The following CELF4 variants were observed in gnomAD, a reference collection of about 807,000 sequenced individuals.
CELF4 encodes the protein CUGBP Elav-like family member 4.
A neutral mutation model predicts 59.9 loss-of-function variants in CELF4; 18 were observed. That is an observed-to-expected ratio of 0.30 (90% CI 0.21 to 0.45). CELF4 has a LOEUF of 0.45. CELF4 is among the 20% of genes least tolerant of loss of function. The probability of loss-of-function intolerance (pLI) is 1.00; values close to 1 mark genes in which losing one functional copy is unlikely to be tolerated. For missense variants in CELF4, 456 were observed against 689.0 expected, an observed-to-expected ratio of 0.66 and a Z score of 3.79; for synonymous variants, 261 against 267.1, an observed-to-expected ratio of 0.98 and a Z score of 0.22.
chr18:37,498,278 TTCCTC>T (rs2099927456), intron 1 of CELF4, among the ~76,000 whole-genome samples: 1 of 151,830 alleles, frequency 6.6e-6, no homozygotes. Context: ...CTTTCTGTTC[TTCCTC>T]TCCTCTCTTC....
intron 3 of CELF4, among the ~76,000 whole-genome samples, chr18:37,296,352 T>G (rs1603293564): frequency 6.6e-6 from 1 of 152,282 alleles, no homozygotes; most frequent in Non-Finnish European, 1.5e-5. Flanking sequence ...CATGCCACCA[T>G]GCCTGCCTAA....
Position 37,494,126 on chromosome 18 carries a change from CA to C in CELF4, c.287-8520del, listed in dbSNP as rs1397187207. 3.3e-5 allele frequency among the ~76,000 whole-genome samples: 5 copies of C among 152,322 alleles called. No homozygotes were observed. The East Asian group carries it at 7.7e-4, about 24-fold the overall frequency. ...GCTCTGGACAAGGAGGTGCAGACCT[CA>C]GAGGGTTAAAGAACCAGCCAGTGGG... On this transcript the variant is annotated intron_variant, in intron 1 of 12. Transcript: ENST00000420428.
chr18:37,494,053 C>T (rs903638671), intron 1 of CELF4, among the ~76,000 whole-genome samples: 1 of 152,178 alleles, frequency 6.6e-6, no homozygotes, highest in South Asian at 2.1e-4. Context: ...TTCTCTTTCT[C>T]TTCTTGCTGA....
intron 2 of CELF4, among the ~76,000 whole-genome samples, chr18:37,447,014 A>G (rs1199427933): frequency 6.6e-6 from 1 of 152,174 alleles, no homozygotes; most frequent in Non-Finnish European, 1.5e-5. Context: ...TCCTTCCTTG[A>G]CTATCCAGCA....
intron 2 of CELF4, among the ~76,000 whole-genome samples, chr18:37,429,438 T>A (rs1312203585): frequency 1.3e-5 from 2 of 152,194 alleles, no homozygotes. Flanking sequence ...TCTCATTGTG[T>A]GTGCATGTCT....
chr18:37,443,213 C>A (rs190681940), intron 2 of CELF4, among the ~76,000 whole-genome samples: 2 of 152,114 alleles, frequency 1.3e-5, no homozygotes, highest in Non-Finnish European at 2.9e-5. Flanking sequence ...TCTGTCCCTC[C>A]GCCTCCTGAG....
At chr18:37,356,518 C>T (rs1234649407) in intron 2 of CELF4, among the ~76,000 whole-genome samples, 1 of 148,228 alleles carries the variant, frequency 6.7e-6, no homozygotes, top group East Asian at 1.9e-4. Flanking sequence ...GCTGGGAAGG[C>T]CAGAGGTGCT....
At chr18:37,333,298 C>T (rs2097621160) in intron 2 of CELF4, among the ~76,000 whole-genome samples, 1 of 152,008 alleles carries the variant, frequency 6.6e-6, no homozygotes, top group Non-Finnish European at 1.5e-5. Flanking sequence ...GCCCAGGAAA[C>T]AAGCGACAGC....
intron 3 of CELF4, among the ~76,000 whole-genome samples, chr18:37,298,864 A>C (rs1213920140): frequency 6.6e-6 from 1 of 152,158 alleles, no homozygotes; most frequent in Non-Finnish European, 1.5e-5. Context: ...GAACACTGCT[A>C]ACATGCTGTA....
intron 3 of CELF4, 76 bp from the exon 4 acceptor site, chr18:37,275,319 G>A: frequency 2.7e-6 from 4 of 1,505,712 alleles, no homozygotes; most frequent in Non-Finnish European, 3.6e-6. Flanking sequence ...CGGAGGGGGA[G>A]AGCGGCAGGG....
At chr18:37,496,918 C>G (rs1040920589) in intron 1 of CELF4, among the ~76,000 whole-genome samples, 1 of 152,152 alleles carries the variant, frequency 6.6e-6, no homozygotes, top group Non-Finnish European at 1.5e-5. Flanking sequence ...TCCAGAGGGG[C>G]CCTAAGGAAG....
intron 2 of CELF4, among the ~76,000 whole-genome samples, chr18:37,417,254 C>T (rs1020978413): frequency 2.6e-5 from 4 of 152,026 alleles, no homozygotes; most frequent in African/African-American, 9.7e-5. Flanking sequence ...GGTAAACATG[C>T]CCATCCATAG....
In CELF4 at chr18:37,535,530, G is replaced by A. The variant is rs1196776405; in HGVS notation, c.286+29826C>T. On this transcript the variant is annotated intron_variant, in intron 1 of 12. Transcript: ENST00000420428. Reference sequence around the variant, plus strand: ...TCATATTAGTCTACAGTGATCATGAGAGTAGCAGGAAGAGTTCACGTAACC... The same window carrying A: ...TCATATTAGTCTACAGTGATCATGAAAGTAGCAGGAAGAGTTCACGTAACC... 2.6e-5 allele frequency among the ~76,000 whole-genome samples: 4 copies of A among 152,218 alleles called. No homozygotes were observed. The East Asian group carries it at 7.7e-4, about 29-fold the overall frequency.
chr18:37,461,719 G>A (rs1229269246), intron 2 of CELF4, among the ~76,000 whole-genome samples: 1 of 152,212 alleles, frequency 6.6e-6, no homozygotes, highest in African/African-American at 2.4e-5. Flanking sequence ...AGTGGTCACC[G>A]AGTCCCAGCA....
At chr18:37,433,963 C>A (rs1569569393) in intron 2 of CELF4, among the ~76,000 whole-genome samples, 1 of 152,192 alleles carries the variant, frequency 6.6e-6, no homozygotes, top group Non-Finnish European at 1.5e-5. Flanking sequence ...ATTCTTCCCA[C>A]ACCCAGGCCT....
rs773760180 is a variant in CELF4, at chr18:37,487,496, C to T, written c.287-1889G>A. Among the ~76,000 whole-genome samples, 11 of 152,272 alleles carry T rather than the reference C, an allele frequency of 7.2e-5. No individual in the cohort carries two copies. In the East Asian group the frequency reaches 1.7e-3, roughly 24 times the overall value. On this transcript the variant is annotated intron_variant, in intron 1 of 12. Transcript: ENST00000420428. ...ACCCCAGATCACTCCTCCTCCCTCTCCCGTCCTCCTCCCTCCTGGTCACTG... is the reference window on the plus strand; with the variant it reads ...ACCCCAGATCACTCCTCCTCCCTCTTCCGTCCTCCTCCCTCCTGGTCACTG...
intron 2 of CELF4, among the ~76,000 whole-genome samples, chr18:37,485,305 G>A (rs1238306560): frequency 6.6e-6 from 1 of 151,590 alleles, no homozygotes; most frequent in Non-Finnish European, 1.5e-5. Context: ...GCCCGCGCAG[G>A]AACTTCACGG....
intron 2 of CELF4, among the ~76,000 whole-genome samples, chr18:37,392,877 C>T (rs2099180427): frequency 6.6e-6 from 1 of 152,208 alleles, no homozygotes; most frequent in South Asian, 2.1e-4. Flanking sequence ...TCATCCTCTT[C>T]AAAGCTCTTA....
intron 2 of CELF4, among the ~76,000 whole-genome samples, chr18:37,333,389 C>T (rs1409628334): frequency 6.6e-6 from 1 of 151,738 alleles, no homozygotes; most frequent in East Asian, 2.0e-4. Flanking sequence ...CCCCTCTTTC[C>T]CCTCTTCCTA....
Sources: gnomAD v4.1 joint callset for allele counts (sites outside exome capture counted in the v4.1 genomes callset) on GRCh38, gnomAD v4.1.1 for gene constraint, MANE v1.5 for transcripts, NCBI Gene and HGNC (gene_info 2026-07-23, HGNC 2026-07-21) for gene names.